Variants in BNIPL observed in about 807,000 individuals in gnomAD.
BNIPL encodes bcl-2/adenovirus E1B 19 kDa-interacting protein 2-like protein.
BNIPL carries 33 observed loss-of-function variants against 47.0 expected under a neutral mutation model. The observed-to-expected ratio is 0.70, with a 90% CI of 0.53 to 0.94. The LOEUF (loss-of-function observed/expected upper bound fraction) is 0.94. Among genes scored for constraint, BNIPL ranks in the 40% least tolerant of loss-of-function variants. The pLI, the probability that BNIPL is intolerant of heterozygous loss-of-function variation, is 0.00. For synonymous variants in BNIPL, 145 were observed against 162.7 expected, an observed-to-expected ratio of 0.89 and a Z score of 0.83; for missense variants, 404 against 445.2, an observed-to-expected ratio of 0.91 and a Z score of 0.83.
chr1:151,038,037 GAC>G (rs915326725), intron 2 of BNIPL, among the ~76,000 whole-genome samples: 1 of 131,308 alleles, frequency 7.6e-6, no homozygotes, highest in Non-Finnish European at 1.5e-5. Context: ...AAAGCAAATG[GAC>G]ACAGGGATGG....
chr1:151,041,161 G>A (rs1675810599), intron 4 of BNIPL, among the ~76,000 whole-genome samples: 2 of 152,094 alleles, frequency 1.3e-5, no homozygotes, highest in African/African-American at 4.8e-5. Flanking sequence ...CTCCAGCCTG[G>A]AAGACAGAGT....
At chr1:151,038,415 CATG>C in intron 2 of BNIPL, 86 bp from the exon 3 acceptor site, 1 of 959,794 alleles carries the variant, frequency 1.0e-6, no homozygotes, top group Non-Finnish European at 1.7e-6. Context: ...GTGATAAAAT[CATG>C]GTGGGGAGAG....
In BNIPL at chr1:151,036,631, G is replaced by C; in HGVS notation, c.-95G>C. 8.6e-7 allele frequency: 1 copy of C among 1,166,148 alleles called. No homozygotes were observed. The highest frequency in any genetic ancestry group is 1.3e-6 in the Non-Finnish European group (1 of 776,090). The allele number at this position is 1,166,148 out of a possible 1,614,324, so 72.2% of individuals were successfully genotyped here. A position where few individuals can be genotyped will look rare whatever the true frequency, so the allele number is the denominator to read the frequency against. ...TGGAGGCAAGAGCTACAACAGCTGA[G>C]ACAGAAAAGAGGTAAGGAAGTGTTG... On this transcript the variant is annotated 5_prime_UTR_variant, in exon 1 of 10. Coordinates refer to ENST00000368931, the MANE Select transcript of BNIPL (RefSeq NM_138278.4).
intron 7 of BNIPL, 160 bp from the exon 8 acceptor site, chr1:151,045,637 T>G: frequency 1.5e-6 from 2 of 1,295,584 alleles, no homozygotes; most frequent in Non-Finnish European, 2.0e-6. Context: ...TGGGTGGAGC[T>G]GAGATTACAG....
Position 151,037,554 on chromosome 1 carries a change from G to C in BNIPL, c.42-13G>C. ...CAGTTCCCTTGATCTTTTCTTCTTG[G>C]GGGCTGTCTTAGGGTCAGGGAGATT... On this transcript the variant is annotated splice_polypyrimidine_tract_variant and intron_variant, in intron 1 of 9. Coordinates refer to ENST00000368931, the MANE Select transcript of BNIPL (RefSeq NM_138278.4). 1 of 1,594,362 alleles carries C rather than the reference G, an allele frequency of 6.3e-7. No homozygotes were observed. Among genetic ancestry groups the C allele is most frequent in the Non-Finnish European group, 8.5e-7 (1 of 1,170,132 alleles).
Position 151,043,685 on chromosome 1 carries a change from C to T in BNIPL, c.809C>T (p.Pro270Leu), listed in dbSNP as rs1322831080. Reference sequence around the variant, plus strand: ...GGCACAAGCAGGGCCCAAGTTCCACCTCTAAGCTGGATACGTCAGTGTTAC... The same window carrying T: ...GGCACAAGCAGGGCCCAAGTTCCACTTCTAAGCTGGATACGTCAGTGTTAC... ...SGGTSRAQVPPLSWIRQCYRT... is the reference protein window; with the variant it reads ...SGGTSRAQVPLLSWIRQCYRT... The change falls in exon 7 of 10, where the codon CCT (proline) becomes CTT (leucine). Residue 270 changes from proline (P) to leucine (L), a missense_variant. Transcript: ENST00000368931. The T allele has an allele frequency of 1.9e-6, 3 of 1,613,904 alleles. No individual in the cohort carries two copies. The highest frequency in any genetic ancestry group is 3.3e-5 in the Admixed American group (2 of 59,990).
intron 4 of BNIPL, among the ~76,000 whole-genome samples, chr1:151,040,286 C>A (rs1201471331): frequency 6.6e-6 from 1 of 152,070 alleles, no homozygotes. Context: ...CTCAAGCAAT[C>A]CTCCTGCCTC....
Position 151,047,647 on chromosome 1 carries a change from C to A in BNIPL, c.*960C>A. 1.2e-6 allele frequency: 1 copy of A among 808,694 alleles called. No homozygotes were observed. Among genetic ancestry groups the A allele is most frequent in the Non-Finnish European group, 1.8e-6 (1 of 547,936 alleles). The allele number at this position is 808,694 out of a possible 1,614,324, so 50.1% of individuals were successfully genotyped here. On this transcript the variant is annotated 3_prime_UTR_variant, in exon 10 of 10. Transcript: ENST00000368931. ...CCCCTTGCATCCCAAACCTTCGGTTCTGGCAGAGTTCTTGCCGCAGAGGTT... is the reference window on the plus strand; with the variant it reads ...CCCCTTGCATCCCAAACCTTCGGTTATGGCAGAGTTCTTGCCGCAGAGGTT...
chr1:151,040,770 G>T (rs1218729446), intron 4 of BNIPL, among the ~76,000 whole-genome samples: 2 of 146,642 alleles, frequency 1.4e-5, no homozygotes, highest in Admixed American at 6.9e-5. Context: ...ACTCCAGCCT[G>T]GGCGACAAGA....
chr1:151,043,514 C>T, intron 6 of BNIPL, 80 bp downstream of exon 6: 1 of 1,553,906 alleles, frequency 6.4e-7, no homozygotes, highest in African/African-American at 1.4e-5. Context: ...AGATCAGTAG[C>T]TGATGGGAGA....
chr1:151,046,424 G>C (rs2102968877), intron 9 of BNIPL, among the ~76,000 whole-genome samples: 1 of 150,874 alleles, frequency 6.6e-6, no homozygotes, highest in East Asian at 1.9e-4. Context: ...AATAATCACA[G>C]TGCAGAGGAG....
rs114849704 is a variant in BNIPL, at chr1:151,046,090, G to A, written c.962G>A (p.Arg321His). Reference protein sequence around the residue: ...FISSKFTRKIRFLDSLGELAQ... With the variant: ...FISSKFTRKIHFLDSLGELAQ... ...AGTTCCAAATTCACACGAAAAATCCGTTTTCTGGACAGCCTGGGGGAGCTG... is the reference window on the plus strand; with the variant it reads ...AGTTCCAAATTCACACGAAAAATCCATTTTCTGGACAGCCTGGGGGAGCTG... The change falls in exon 9 of 10, where the codon CGT becomes CAT. Residue 321 changes from arginine to histidine, a missense_variant. Physicochemically the swap from Arg to His is conservative, Grantham distance 29 (BLOSUM62 0). Coordinates refer to ENST00000368931, the MANE Select transcript of BNIPL (RefSeq NM_138278.4). 1.8e-3 allele frequency: 2,893 copies of A among 1,614,028 alleles called. 29 individuals carry two copies. The African/African-American group carries it at 0.026, about 14-fold the overall frequency.
At chr1:151,037,969 G>A (rs587710135) in intron 2 of BNIPL, among the ~76,000 whole-genome samples, 4 of 119,042 alleles carry the variant, frequency 3.4e-5, no homozygotes, top group East Asian at 5.2e-4. Context: ...CATTACACCC[G>A]AGCTTGGGCA....
intron 4 of BNIPL, among the ~76,000 whole-genome samples, chr1:151,039,780 T>A (rs1295430249): frequency 6.6e-6 from 1 of 152,206 alleles, no homozygotes; most frequent in Non-Finnish European, 1.5e-5. Context: ...ATACAGAGTC[T>A]TGCCCTGTTG....
At chr1:151,042,313 C>T (rs1675852966) in intron 4 of BNIPL, among the ~76,000 whole-genome samples, 1 of 151,872 alleles carries the variant, frequency 6.6e-6, no homozygotes, top group Admixed American at 6.6e-5. Flanking sequence ...GATGAGGTCT[C>T]ACTTTGTTGC....
intron 5 of BNIPL, 86 bp from the exon 6 acceptor site, chr1:151,043,246 C>T: frequency 6.7e-7 from 1 of 1,500,212 alleles, no homozygotes; most frequent in South Asian, 1.1e-5. Flanking sequence ...CTTCCAGAGA[C>T]CCTCAGAGTC....
rs1219857629 is a variant in BNIPL at position 151,038,502 on chromosome 1, A to G, written c.138-2A>G. ...GCCGCCTTTTAATCTCTTCCCCTCT[A>G]GATTGCTTCCTGAGGAGGCTGGCAC... is the stretch of plus-strand genomic sequence containing the variant. On this transcript the variant is annotated splice_acceptor_variant, in intron 2 of 9. Transcript: ENST00000368931. LOFTEE classifies it high-confidence loss of function. 1 of 1,609,896 alleles carries G rather than the reference A, an allele frequency of 6.2e-7. No individual in the cohort carries two copies.
Position 151,043,421 on chromosome 1 carries a change from G to C in BNIPL, c.706G>C (p.Glu236Gln), listed in dbSNP as rs369866105. ...SSIPNYTYVM[E>Q]HLFRYMVGTL... Reference sequence around the variant, plus strand: ...CATCCCCAACTACACCTATGTCATGGAACACTTGTTTAGGTGAGGTGGAAG... The same window carrying C: ...CATCCCCAACTACACCTATGTCATGCAACACTTGTTTAGGTGAGGTGGAAG... Residue 236 changes from glutamate to glutamine, a missense_variant, in exon 6 of 10, where the codon GAA becomes CAA. Physicochemically the swap from Glu to Gln is conservative, Grantham distance 29. Transcript: ENST00000368931. 1.9e-6 allele frequency: 3 copies of C among 1,604,246 alleles called. No individual in the cohort carries two copies. Among genetic ancestry groups the C allele is most frequent in the South Asian group, 1.1e-5 (1 of 90,848 alleles).
intron 4 of BNIPL, among the ~76,000 whole-genome samples, chr1:151,040,665 C>T (rs1675785006): frequency 6.6e-6 from 1 of 151,716 alleles, no homozygotes; most frequent in Non-Finnish European, 1.5e-5. Context: ...TATGGTGGCA[C>T]ACACCTGTAA....
Sources: allele counts gnomAD v4.1 joint callset (sites outside exome capture counted in the v4.1 genomes callset), GRCh38; gene constraint gnomAD v4.1.1; transcripts MANE v1.5; gene names NCBI Gene and HGNC (gene_info 2026-07-23, HGNC 2026-07-21).